The following DDX60L variants were observed in gnomAD, a reference collection of about 807,000 sequenced individuals.
The protein encoded by DDX60L is probable ATP-dependent RNA helicase DDX60-like.
Under a neutral mutation model 211.6 loss-of-function variants are expected in DDX60L, and 191 were observed. That is an observed-to-expected ratio of 0.90 (90% CI 0.80 to 1.02). DDX60L has a LOEUF of 1.02. DDX60L is among the 50% of genes least tolerant of loss of function. The pLI is 0.00. For synonymous variants in DDX60L, 706 were observed against 694.1 expected, an observed-to-expected ratio of 1.02 and a Z score of -0.27; for missense variants, 2,007 against 1,984.1, an observed-to-expected ratio of 1.01 and a Z score of -0.22.
At chr4:168,375,158 AT>A (rs1250488734) in intron 34 of DDX60L, among the ~76,000 whole-genome samples, 2 of 152,056 alleles carry the variant, frequency 1.3e-5, no homozygotes, top group African/African-American at 2.4e-5. Flanking sequence ...CCCAATTAAT[AT>A]TTGGTAATTA....
chr4:168,449,665 A>AAAAAAAAAAAAAAAAAAAAAAAAT (rs1755474696), intron 8 of DDX60L, among the ~76,000 whole-genome samples: 4 of 28,500 alleles, frequency 1.4e-4, no homozygotes, highest in Non-Finnish European at 2.4e-4. Context: ...AAAAAAAAAA[A>AAAAAAAAAAAAAAAAAAAAAAAAT]GAAAAAAGAA....
At chr4:168,407,475 A>G (rs1308332410) in intron 22 of DDX60L, among the ~76,000 whole-genome samples, 1 of 152,224 alleles carries the variant, frequency 6.6e-6, no homozygotes, top group East Asian at 1.9e-4. Context: ...TACAAAAGGG[A>G]TAAAGTAACA....
chr4:168,421,053 G>A (rs185686177), intron 17 of DDX60L, among the ~76,000 whole-genome samples: 1 of 151,898 alleles, frequency 6.6e-6, no homozygotes, highest in East Asian at 1.9e-4. Context: ...CCATATTGCT[G>A]GAAATGGAAG....
chr4:168,442,740 C>A (rs1341690957), intron 9 of DDX60L, among the ~76,000 whole-genome samples: 1 of 151,444 alleles, frequency 6.6e-6, no homozygotes, highest in Non-Finnish European at 1.5e-5. Flanking sequence ...AGCAGCCTAA[C>A]TGGGAGGCAC....
intron 10 of DDX60L, among the ~76,000 whole-genome samples, chr4:168,436,984 G>C (rs907844555): frequency 3.3e-5 from 5 of 152,158 alleles, no homozygotes; most frequent in African/African-American, 7.2e-5. Flanking sequence ...GTAAGAAAAA[G>C]TATGTCCAGA....
Position 168,396,078 on chromosome 4 carries a change from C to CT in DDX60L, c.3537dup (p.Val1180SerfsTer3). ...AAATTAATATATTCAGCTCTATACA[C>CT]TTTTTTTCTTTCCAGTTTTTCAGCC... On this transcript the variant is annotated frameshift_variant, in exon 27 of 38. Coordinates refer to ENST00000682922, the MANE Select transcript of DDX60L (RefSeq NM_001012967.3). LOFTEE classifies it high-confidence loss of function. 1 of 1,565,174 alleles carries CT rather than the reference C, an allele frequency of 6.4e-7. No homozygotes were observed. Among genetic ancestry groups the CT allele is most frequent in the Admixed American group, 1.9e-5 (1 of 51,818 alleles).
intron 1 of DDX60L, among the ~76,000 whole-genome samples, chr4:168,475,106 T>G (rs1759297473): frequency 6.6e-6 from 1 of 152,232 alleles, no homozygotes; most frequent in Non-Finnish European, 1.5e-5. Flanking sequence ...GATGCCTGGG[T>G]TGAATTCCTA....
At chr4:168,428,618 GCT>G (rs1466002107) in intron 13 of DDX60L, among the ~76,000 whole-genome samples, 2 of 152,092 alleles carry the variant, frequency 1.3e-5, no homozygotes, top group African/African-American at 4.8e-5. Flanking sequence ...TTTGGTTTGT[GCT>G]CTTTCACGTA....
At chr4:168,371,866 T>G in intron 35 of DDX60L, 103 bp from the exon 36 acceptor site, 1 of 1,114,404 alleles carries the variant, frequency 9.0e-7, no homozygotes, top group Non-Finnish European at 1.2e-6. Context: ...AAGTACGTTC[T>G]GAAGAAGTTG....
At chr4:168,376,758 C>T (rs1197379250) in intron 33 of DDX60L, among the ~76,000 whole-genome samples, 1 of 152,214 alleles carries the variant, frequency 6.6e-6, no homozygotes, top group African/African-American at 2.4e-5. Context: ...TGTTGTTTGC[C>T]ACCTTCTCGA....
intron 4 of DDX60L, among the ~76,000 whole-genome samples, chr4:168,462,855 G>A (rs1017057128): frequency 6.6e-6 from 1 of 151,934 alleles, no homozygotes; most frequent in Non-Finnish European, 1.5e-5. Flanking sequence ...CAGCCAGTAA[G>A]CATATAAAAA....
At position 168,423,679 on chromosome 4, in the gene DDX60L, G is replaced by A; in HGVS notation, c.2026C>T (p.His676Tyr). Residue 676 changes from histidine to tyrosine, a missense_variant, in exon 15 of 38, where the codon CAT (histidine) becomes TAT (tyrosine). Physicochemically the swap from His to Tyr is moderately conservative, Grantham distance 83 (BLOSUM62 2). Transcript: ENST00000682922. ...RYPEILEAEH[H>Y]QYIAKCLKYL... ...TTAAGGCATTTAGCTATATATTGATGATGTTCTGCTTCCAAAATTTCTGGG... is the reference window on the plus strand; with the variant it reads ...TTAAGGCATTTAGCTATATATTGATAATGTTCTGCTTCCAAAATTTCTGGG... 6.2e-7 allele frequency: 1 copy of A among 1,605,284 alleles called. No homozygotes were observed. Among genetic ancestry groups the A allele is most frequent in the Non-Finnish European group, 8.5e-7 (1 of 1,175,718 alleles).
chr4:168,441,278 T>A, intron 10 of DDX60L, 59 bp downstream of exon 10: 1 of 1,455,756 alleles, frequency 6.9e-7, no homozygotes, highest in South Asian at 1.4e-5. Flanking sequence ...TATTAGGGCT[T>A]CTAAAAGTTG....
intron 29 of DDX60L, chr4:168,390,515 G>A: frequency 1.4e-6 from 2 of 1,435,142 alleles, no homozygotes; most frequent in Non-Finnish European, 1.8e-6. Context: ...TTCCAGTCTA[G>A]GAGAGTTCAC....
intron 30 of DDX60L, chr4:168,380,069 C>T: frequency 2.9e-6 from 1 of 350,780 alleles, no homozygotes; most frequent in Non-Finnish European, 5.1e-6. Context: ...GGCAAATAAT[C>T]TGCTAAATCC....
At position 168,456,922 on chromosome 4, in the gene DDX60L, A is replaced by T. The variant is rs532475607; in HGVS notation, c.724-770T>A. Among the ~76,000 whole-genome samples, 4 of 152,304 alleles carry T rather than the reference A, an allele frequency of 2.6e-5. No homozygotes were observed. The East Asian group carries it at 7.7e-4, about 29-fold the overall frequency. On this transcript the variant is annotated intron_variant, in intron 6 of 37. Coordinates refer to ENST00000682922, the MANE Select transcript of DDX60L (RefSeq NM_001012967.3). ...TTAATGAAATGTACACTAAAAATATATATACAGTCTGGGCATGGTGGCTCA... is the reference window on the plus strand; with the variant it reads ...TTAATGAAATGTACACTAAAAATATTTATACAGTCTGGGCATGGTGGCTCA...
chr4:168,456,148 T>A lies in DDX60L; in HGVS notation c.728A>T (p.Tyr243Phe), dbSNP rs1561112020. Residue 243 changes from tyrosine to phenylalanine, a missense_variant, in exon 7 of 38, where the codon TAT becomes TTT. Transcript: ENST00000682922. ...GTGCTGAAGCAGAAATAGAGTCTGA[T>A]ACGCCTATCAAAAAAGAAATTTCTT... ...LKWNDMMEEA[Y>F]QTLFLLQHLW... 1 of 1,543,110 alleles carries A rather than the reference T, an allele frequency of 6.5e-7. No individual in the cohort carries two copies. The highest frequency in any genetic ancestry group is 2.4e-5 in the East Asian group (1 of 40,988).
chr4:168,394,286 A>G (rs2149738278), intron 28 of DDX60L, among the ~76,000 whole-genome samples, 179 bp downstream of exon 28: 1 of 152,286 alleles, frequency 6.6e-6, no homozygotes, highest in South Asian at 2.1e-4. Flanking sequence ...TTCAACGTAG[A>G]AATAATTTTT....
At chr4:168,390,461 A>G in intron 29 of DDX60L, 6 of 1,363,192 alleles carry the variant, frequency 4.4e-6, no homozygotes, top group Non-Finnish European at 5.6e-6. Flanking sequence ...AAGGTCATGA[A>G]ATGGAGATAA....
Sources: gnomAD v4.1 joint callset for allele counts (sites outside exome capture counted in the v4.1 genomes callset) on GRCh38, gnomAD v4.1.1 for gene constraint, MANE v1.5 for transcripts, NCBI Gene and HGNC (gene_info 2026-07-23, HGNC 2026-07-21) for gene names.